Variants in MGMT observed in about 807,000 individuals in gnomAD.
MGMT encodes methylated-DNA--protein-cysteine methyltransferase.
MGMT carries 14 observed loss-of-function variants against 15.9 expected under a neutral mutation model. The ratio of observed to expected loss-of-function variants is 0.88; its 90% CI spans 0.58 to 1.37. The LOEUF (loss-of-function observed/expected upper bound fraction) is 1.37. Ranked by LOEUF, MGMT falls within the 40% of genes most tolerant of loss-of-function variation. The pLI is 0.00. For missense variants in MGMT, 282 were observed against 268.1 expected (o/e 1.05, Z -0.36); for synonymous variants, 130 against 118.2 (o/e 1.10, Z -0.65).
chr10:129,672,075 A>C (rs564107126), intron 2 of MGMT, among the ~76,000 whole-genome samples: 2 of 152,386 alleles, frequency 1.3e-5, no homozygotes, highest in East Asian at 3.9e-4. Flanking sequence ...ATTTATCAGT[A>C]CACCATTGCC....
At chr10:129,587,632 G>A (rs1846632805) in intron 2 of MGMT, among the ~76,000 whole-genome samples, 1 of 151,184 alleles carries the variant, frequency 6.6e-6, no homozygotes, top group African/African-American at 2.4e-5. Context: ...GAGACTACAG[G>A]CACAACCCAC....
intron 2 of MGMT, among the ~76,000 whole-genome samples, chr10:129,577,768 A>C (rs1011571474): frequency 2.6e-5 from 4 of 152,196 alleles, no homozygotes; most frequent in Non-Finnish European, 5.9e-5. Context: ...AATAGGAGAA[A>C]ATTTTCTCAA....
At chr10:129,504,880 A>G (rs1270190232) in intron 1 of MGMT, among the ~76,000 whole-genome samples, 2 of 151,952 alleles carry the variant, frequency 1.3e-5, no homozygotes, top group Non-Finnish European at 2.9e-5. Flanking sequence ...GCCCTCCACC[A>G]CCTTTAGGAC....
chr10:129,758,969 G>C (rs566347411), intron 3 of MGMT, among the ~76,000 whole-genome samples: 5 of 152,354 alleles, frequency 3.3e-5, no homozygotes, highest in South Asian at 4.1e-4. Context: ...CAAACCTGTG[G>C]TGCCAGCTCC....
chr10:129,618,830 T>C (rs1847058528), intron 2 of MGMT, among the ~76,000 whole-genome samples: 1 of 62,282 alleles, frequency 1.6e-5, no homozygotes. Flanking sequence ...TTTCTGTAAA[T>C]TTGTCTAGTA....
intron 2 of MGMT, among the ~76,000 whole-genome samples, chr10:129,617,345 G>A (rs1332639077): frequency 6.6e-6 from 1 of 152,064 alleles, no homozygotes; most frequent in Non-Finnish European, 1.5e-5. Flanking sequence ...GGGCCTTTAG[G>A]TTTAGTCCAT....
At chr10:129,574,054 C>G (rs1846450321) in intron 2 of MGMT, among the ~76,000 whole-genome samples, 2 of 152,166 alleles carry the variant, frequency 1.3e-5, no homozygotes, top group African/African-American at 4.8e-5. Context: ...ACATATATTC[C>G]TATTAAGTTT....
At chr10:129,645,878 C>T (rs1847382934) in intron 2 of MGMT, among the ~76,000 whole-genome samples, 1 of 152,234 alleles carries the variant, frequency 6.6e-6, no homozygotes, top group Non-Finnish European at 1.5e-5. Flanking sequence ...GAGGGCCTGT[C>T]TGCTCATGGG....
Position 129,707,897 on chromosome 10 carries a change from C to T in MGMT, c.128C>T (p.Ala43Val), listed in dbSNP as rs753839323. 1.9e-6 allele frequency: 3 copies of T among 1,611,116 alleles called. No individual in the cohort carries two copies. The highest frequency in any genetic ancestry group is 2.5e-6 in the Non-Finnish European group (3 of 1,179,980). Residue 43 changes from alanine (A) to valine (V), a missense_variant and splice_region_variant, in exon 3 of 5, where the codon GCC becomes GTC. Transcript: ENST00000651593. ...AGCCCCTGTTCTCACTTTTGCAGTG[C>T]CGTGGAGGTCCCAGCCCCCGCTGCG... ...LLGKGTSAAD[A>V]VEVPAPAAVL...
intron 2 of MGMT, among the ~76,000 whole-genome samples, chr10:129,688,159 A>T (rs953938610): frequency 6.6e-6 from 1 of 152,230 alleles, no homozygotes; most frequent in African/African-American, 2.4e-5. Context: ...ATACGTGTGC[A>T]TGTGCCTTTA....
intron 3 of MGMT, among the ~76,000 whole-genome samples, chr10:129,757,576 G>C (rs942165363): frequency 2.0e-5 from 3 of 152,224 alleles, no homozygotes; most frequent in Non-Finnish European, 4.4e-5. Flanking sequence ...TTCCAAGACA[G>C]CTGTCCCCGA....
At chr10:129,586,457 A>C (rs556406311) in intron 2 of MGMT, among the ~76,000 whole-genome samples, 3 of 152,284 alleles carry the variant, frequency 2.0e-5, no homozygotes, top group African/African-American at 7.2e-5. Context: ...TGTATTTTAC[A>C]CAAAATTTTC....
At chr10:129,505,076 G>T (rs12259379) in intron 1 of MGMT, among the ~76,000 whole-genome samples, 25,600 of 152,108 alleles carry the variant, frequency 0.17, 3,456 homozygotes, top group African/African-American at 0.38. Flanking sequence ...GTTGACTTTG[G>T]GAGTACAGCA....
At position 129,720,306 on chromosome 10, in the gene MGMT, C is replaced by T. The variant is rs142186406; in HGVS notation, c.274+12263C>T. 1.6e-3 allele frequency among the ~76,000 whole-genome samples: 241 copies of T among 152,332 alleles called. 3 individuals carry two copies. Among genetic ancestry groups the T allele is most frequent in the South Asian group, 7.7e-3 (37 of 4,828 alleles). On this transcript the variant is annotated intron_variant, in intron 3 of 4. Transcript: ENST00000651593. ...GCACTCTGGGATGACACGTTCAAAG[C>T]GTGTGCCCATGTAGGCTGCTGCAAG...
intron 1 of MGMT, among the ~76,000 whole-genome samples, chr10:129,514,224 A>G (rs535598741): frequency 9.8e-5 from 15 of 152,384 alleles, no homozygotes; most frequent in African/African-American, 3.6e-4. Flanking sequence ...GTGAGAATAT[A>G]TCAATATGAG....
intron 4 of MGMT, among the ~76,000 whole-genome samples, chr10:129,764,619 C>G (rs74160286): frequency 0.031 from 4,688 of 152,230 alleles, 258 homozygotes; most frequent in African/African-American, 0.11. Flanking sequence ...GAGGGTGGAG[C>G]GTGGGGAAGC....
At chr10:129,622,804 G>A (rs533737711) in intron 2 of MGMT, among the ~76,000 whole-genome samples, 1 of 150,388 alleles carries the variant, frequency 6.6e-6, no homozygotes, top group South Asian at 2.1e-4. Context: ...AAAAAAAAAA[G>A]AAAGTATTTA....
At chr10:129,746,067 C>G (rs892537384) in intron 3 of MGMT, among the ~76,000 whole-genome samples, 17 of 151,720 alleles carry the variant, frequency 1.1e-4, no homozygotes, top group Admixed American at 7.9e-4. Flanking sequence ...AACCCTGTCT[C>G]TACTAAAAAA....
chr10:129,517,602 C>T (rs7098627), intron 1 of MGMT, among the ~76,000 whole-genome samples: 59,021 of 151,898 alleles, frequency 0.39, 12,629 homozygotes, highest in East Asian at 0.63. Flanking sequence ...CGCTGGGGCT[C>T]ACCTGTCTCA....
Sources: gnomAD v4.1 joint callset for allele counts (sites outside exome capture counted in the v4.1 genomes callset) on GRCh38, gnomAD v4.1.1 for gene constraint, MANE v1.5 for transcripts, NCBI Gene and HGNC (gene_info 2026-07-23, HGNC 2026-07-21) for gene names.